The following ING5 variants were observed in gnomAD, a reference collection of about 807,000 sequenced individuals.
ING5 encodes inhibitor of growth family member 5, also known as inhibitor of growth protein 5.
A neutral mutation model predicts 37.4 loss-of-function variants in ING5; 17 were observed. That is an observed-to-expected ratio of 0.45 (90% confidence interval 0.31 to 0.68). The LOEUF is 0.68. ING5 is among the 30% of genes least tolerant of loss of function. The pLI is 0.05. For missense variants in ING5, 233 were observed against 311.9 expected, an observed-to-expected ratio of 0.75 and a Z score of 1.91; for synonymous variants, 123 against 116.6, an observed-to-expected ratio of 1.06 and a Z score of -0.36.
chr2:241,689,154 C>T (rs1387464235), intron 1 of ING5, among the ~76,000 whole-genome samples: 1 of 151,348 alleles, frequency 6.6e-6, no homozygotes, highest in East Asian at 2.0e-4. Context: ...GTCTTGTGGC[C>T]CAGAGTGGAG....
upstream of ING5, among the ~76,000 whole-genome samples, chr2:241,698,535 G>A (rs1423676792): frequency 5.8e-4 from 84 of 144,890 alleles, 2 homozygotes; most frequent in Admixed American, 5.8e-3. Flanking sequence ...GTGTGTGTGT[G>A]TGTGGAGGAG....
At chr2:241,719,399 C>A in intron 5 of ING5, 1 of 727,132 alleles carries the variant, frequency 1.4e-6, no homozygotes, top group Non-Finnish European at 2.4e-6. Context: ...TGCAGGTCAT[C>A]TAGCTCTTGT....
Position 241,721,901 on chromosome 2 carries a change from A to G in ING5, c.483-1038A>G, listed in dbSNP as rs368334493. The G allele has an allele frequency of 1.5e-5, 15 of 985,684 alleles. No homozygotes were observed. In the East Asian group the frequency reaches 1.7e-3, roughly 112 times the overall value. The allele number at this position is 985,684 out of a possible 1,614,324, so 61.1% of individuals were successfully genotyped here. A position where few individuals can be genotyped will look rare whatever the true frequency, so the allele number is the denominator to read the frequency against. ...ACAGGTGGCAGGCTTGGAGGGAGGC[A>G]TAGACGGGGTGGAACACCTGCCAGG... On this transcript the variant is annotated intron_variant, in intron 5 of 7. Coordinates refer to ENST00000313552, the MANE Select transcript of ING5 (RefSeq NM_032329.6).
At chr2:241,694,585 C>T (rs1256615536) in intron 2 of ING5, among the ~76,000 whole-genome samples, 1 of 151,996 alleles carries the variant, frequency 6.6e-6, no homozygotes, top group Non-Finnish European at 1.5e-5. Flanking sequence ...TTTCCCCCCT[C>T]TAATGAGTTA....
At chr2:241,701,974 C>A, upstream of ING5, 2 of 913,152 alleles carry the variant, frequency 2.2e-6, no homozygotes, top group Non-Finnish European at 2.9e-6. Context: ...GCGCGCGCGA[C>A]TCATGAATAG....
intron 2 of ING5, among the ~76,000 whole-genome samples, chr2:241,696,016 T>C (rs1203757557): frequency 1.3e-5 from 2 of 152,020 alleles, no homozygotes. Flanking sequence ...GAAGATTGCT[T>C]GAGCCCAGGA....
chr2:241,690,226 T>G (rs1206078271), exon 2 of ING5: 1 of 166,234 alleles, frequency 6.0e-6, no homozygotes, highest in Non-Finnish European at 1.3e-5. Flanking sequence ...CCTTGAAGTG[T>G]GTTACTAAGA....
intron 5 of ING5, among the ~76,000 whole-genome samples, chr2:241,714,199 G>C (rs906705878): frequency 6.6e-6 from 1 of 152,080 alleles, no homozygotes; most frequent in Non-Finnish European, 1.5e-5. Context: ...ACATGATCCA[G>C]ATTTCTATAG....
At chr2:241,719,869 C>T (rs1423844157) in intron 5 of ING5, 2 of 1,373,870 alleles carry the variant, frequency 1.5e-6, no homozygotes, top group Non-Finnish European at 1.9e-6. Flanking sequence ...CGTGCAGGTC[C>T]CAGTAGTGAC....
chr2:241,724,905 G>A, intron 7 of ING5, 84 bp from the exon 8 acceptor site: 3 of 1,445,148 alleles, frequency 2.1e-6, no homozygotes, highest in Non-Finnish European at 2.9e-6. Flanking sequence ...AGCAGCCCTG[G>A]GAGACATGGG....
At position 241,724,641 on chromosome 2, in the gene ING5, C is replaced by T. The variant is rs919524752; in HGVS notation, c.681-348C>T. 140 of 340,182 alleles carry T rather than the reference C, an allele frequency of 4.1e-4. 1 individual carries two copies. The highest frequency in any genetic ancestry group is 2.5e-3 in the African/African-American group (117 of 47,224). 21.1% of individuals were successfully genotyped at this position (340,182 alleles called of 1,614,324 possible). On this transcript the variant is annotated intron_variant, in intron 7 of 7. Transcript: ENST00000313552. ...CTGAGGGGCTGCCATGCTCTCAACG[C>T]GTGCTTGGTACCTGCAGCCCCCACA...
intron 1 of ING5, chr2:241,689,807 CCTT>C (rs1290468544): frequency 6.6e-6 from 1 of 152,060 alleles, no homozygotes; most frequent in Non-Finnish European, 1.5e-5. Flanking sequence ...ATTGATGTCT[CCTT>C]ATAAAATTCC....
chr2:241,709,885 G>A (rs1575128071), intron 3 of ING5, among the ~76,000 whole-genome samples: 1 of 151,752 alleles, frequency 6.6e-6, no homozygotes, highest in Non-Finnish European at 1.5e-5. Flanking sequence ...GAGATTACAG[G>A]CATGAGCCAC....
chr2:241,701,180 T>G (rs1165211355), upstream of ING5, among the ~76,000 whole-genome samples: 1 of 150,068 alleles, frequency 6.7e-6, no homozygotes, highest in Non-Finnish European at 1.5e-5. Flanking sequence ...GCCAGGCTGG[T>G]CTCAAATTCC....
chr2:241,693,049 A>AT, intron 2 of ING5, among the ~76,000 whole-genome samples: 1 of 152,142 alleles, frequency 6.6e-6, no homozygotes, highest in Non-Finnish European at 1.5e-5. Flanking sequence ...TCACGAGATC[A>AT]GGAGCTCGAG....
upstream of ING5, among the ~76,000 whole-genome samples, chr2:241,698,496 AGTGT>A (rs199798593): frequency 0.21 from 31,305 of 147,252 alleles, 3,212 homozygotes; most frequent in African/African-American, 0.22. Flanking sequence ...ATAATAGAGG[AGTGT>A]GTGTGTGTGT....
intron 5 of ING5, chr2:241,720,472 T>C: frequency 9.9e-7 from 1 of 1,014,936 alleles, no homozygotes; most frequent in Non-Finnish European, 1.2e-6. Context: ...GTGTCTCGTC[T>C]GAGATCCCGT....
chr2:241,721,671 A>C (rs1041342195), intron 5 of ING5: 17 of 984,774 alleles, frequency 1.7e-5, no homozygotes, highest in Non-Finnish European at 2.4e-6. Context: ...TACCAACTAG[A>C]TATTCGTGGG....
intron 1 of ING5, among the ~76,000 whole-genome samples, chr2:241,688,899 T>C (rs1265447307): frequency 1.3e-5 from 2 of 148,880 alleles, no homozygotes; most frequent in Non-Finnish European, 3.0e-5. Context: ...CCCGAGTTCA[T>C]CCCATTCTCC....
Sources: gnomAD v4.1 joint callset for allele counts (sites outside exome capture counted in the v4.1 genomes callset) on GRCh38, gnomAD v4.1.1 for gene constraint, MANE v1.5 for transcripts, NCBI Gene and HGNC (gene_info 2026-07-23, HGNC 2026-07-21) for gene names.